Variants in MGAT4C observed in about 807,000 individuals in gnomAD.
MGAT4C encodes the protein alpha-1,3-mannosyl-glycoprotein 4-beta-N-acetylglucosaminyltransferase C.
A neutral mutation model predicts 40.1 loss-of-function variants in MGAT4C; 19 were observed. The ratio of observed to expected loss-of-function variants is 0.47; its 90% CI spans 0.33 to 0.70. The LOEUF is 0.70. MGAT4C is among the 30% of genes least tolerant of loss of function. The pLI is 0.02. For synonymous variants in MGAT4C, 181 were observed against 187.1 expected (o/e 0.97, Z 0.27); for missense variants, 491 against 563.2 (o/e 0.87, Z 1.30).
intron 3 of MGAT4C, among the ~76,000 whole-genome samples, chr12:85,984,299 C>A (rs1884971106): frequency 6.6e-6 from 1 of 152,018 alleles, no homozygotes; most frequent in South Asian, 2.1e-4. Context: ...CTAAAGTAAC[C>A]TCAAATAGGA....
intron 2 of MGAT4C, among the ~76,000 whole-genome samples, chr12:86,509,689 A>G (rs1288158658): frequency 6.6e-6 from 1 of 152,210 alleles, no homozygotes. Flanking sequence ...CTTCCTACCC[A>G]TGAGCATGAA....
At chr12:86,620,153 G>C (rs546171914) in intron 2 of MGAT4C, among the ~76,000 whole-genome samples, 10 of 152,186 alleles carry the variant, frequency 6.6e-5, no homozygotes, top group African/African-American at 2.4e-4. Flanking sequence ...ACAGTATGGA[G>C]ATTTCTCAAA....
At chr12:86,720,904 A>G (rs747137544) in intron 2 of MGAT4C, among the ~76,000 whole-genome samples, 8 of 152,200 alleles carry the variant, frequency 5.3e-5, no homozygotes, top group Non-Finnish European at 8.8e-5. Context: ...ATAATAAACC[A>G]TAATATTTAA....
At chr12:86,324,126 T>A (rs888616593) in intron 4 of MGAT4C, among the ~76,000 whole-genome samples, 5 of 151,994 alleles carry the variant, frequency 3.3e-5, no homozygotes, top group Admixed American at 3.3e-4. Flanking sequence ...AATTCATTTA[T>A]CTTCACTAGT....
chr12:86,300,275 C>T (rs1024051224), intron 4 of MGAT4C, among the ~76,000 whole-genome samples: 20 of 152,158 alleles, frequency 1.3e-4, no homozygotes, highest in Non-Finnish European at 2.5e-4. Flanking sequence ...TCATGGAATA[C>T]ATACATACTT....
intron 3 of MGAT4C, among the ~76,000 whole-genome samples, chr12:86,346,039 A>T (rs192844466): frequency 5.3e-4 from 80 of 152,324 alleles, no homozygotes; most frequent in Non-Finnish European, 4.1e-4. Flanking sequence ...TCTTACAGAA[A>T]TAGCAAAAAG....
intron 2 of MGAT4C, among the ~76,000 whole-genome samples, chr12:86,469,410 C>T (rs533517179): frequency 6.6e-6 from 1 of 152,262 alleles, no homozygotes; most frequent in African/African-American, 2.4e-5. Context: ...CCAGCACTCT[C>T]TCTTGTCTGA....
chr12:86,187,999 T>C (rs1230987966), intron 1 of MGAT4C, among the ~76,000 whole-genome samples: 1 of 152,080 alleles, frequency 6.6e-6, no homozygotes, highest in Non-Finnish European at 1.5e-5. Context: ...GTACTGAGAC[T>C]GAGGATGAGA....
At chr12:86,420,021 A>T (rs896429291) in intron 3 of MGAT4C, among the ~76,000 whole-genome samples, 5 of 151,690 alleles carry the variant, frequency 3.3e-5, no homozygotes, top group East Asian at 1.9e-4. Context: ...TTTTTTTTTT[A>T]AAAGTTAACC....
intron 2 of MGAT4C, among the ~76,000 whole-genome samples, chr12:86,604,468 G>A (rs1393379320): frequency 1.3e-5 from 2 of 151,994 alleles, no homozygotes; most frequent in African/African-American, 4.8e-5. Flanking sequence ...AAACCAAAAT[G>A]GCATATTTTA....
At chr12:86,477,622 T>A (rs1957860699) in intron 2 of MGAT4C, among the ~76,000 whole-genome samples, 1 of 152,082 alleles carries the variant, frequency 6.6e-6, no homozygotes, top group South Asian at 2.1e-4. Flanking sequence ...ATACTTTGAG[T>A]TCTAGGGTAC....
At chr12:86,194,654 G>A (rs922883463) in intron 1 of MGAT4C, among the ~76,000 whole-genome samples, 9 of 151,712 alleles carry the variant, frequency 5.9e-5, no homozygotes, top group African/African-American at 1.9e-4. Context: ...AGTAGACATG[G>A]GGTTTCACCA....
chr12:86,734,148 A>G (rs190301235), intron 1 of MGAT4C, among the ~76,000 whole-genome samples: 1 of 152,226 alleles, frequency 6.6e-6, no homozygotes, highest in Admixed American at 6.6e-5. Context: ...TTGCCTTTAT[A>G]AAAGAGAAAA....
At chr12:86,478,307 A>G (rs1957876508) in intron 2 of MGAT4C, among the ~76,000 whole-genome samples, 1 of 152,212 alleles carries the variant, frequency 6.6e-6, no homozygotes. Flanking sequence ...GTGAAGACTG[A>G]AAAGTATTTT....
intron 2 of MGAT4C, among the ~76,000 whole-genome samples, chr12:86,581,187 G>A (rs868493097): frequency 8.6e-5 from 13 of 151,588 alleles, no homozygotes; most frequent in Middle Eastern, 3.4e-3. Flanking sequence ...AGCTGTTGCT[G>A]CAGACAAGTA....
intron 2 of MGAT4C, among the ~76,000 whole-genome samples, chr12:86,439,711 A>C (rs1957195403): frequency 6.6e-6 from 1 of 151,904 alleles, no homozygotes; most frequent in African/African-American, 2.4e-5. Context: ...TGAAAAGATG[A>C]ACAAAATTGA....
At chr12:86,150,017 G>A (rs531819162) in intron 1 of MGAT4C, among the ~76,000 whole-genome samples, 6 of 152,264 alleles carry the variant, frequency 3.9e-5, no homozygotes, top group Non-Finnish European at 8.8e-5. Flanking sequence ...CCGGTTTCAT[G>A]GGAGACAATG....
At chr12:86,361,084 T>A (rs574306889) in intron 3 of MGAT4C, among the ~76,000 whole-genome samples, 3 of 152,216 alleles carry the variant, frequency 2.0e-5, no homozygotes, top group African/African-American at 7.2e-5. Context: ...GACTTCAAAC[T>A]ATACTACAAG....
At chr12:86,377,090 C>T (rs1295579309) in intron 3 of MGAT4C, among the ~76,000 whole-genome samples, 20 of 116,530 alleles carry the variant, frequency 1.7e-4, no homozygotes, top group African/African-American at 4.4e-4. Flanking sequence ...CATGGAGTTT[C>T]GCTCTTGTTG....
Sources: allele counts gnomAD v4.1 joint callset (sites outside exome capture counted in the v4.1 genomes callset), GRCh38; gene constraint gnomAD v4.1.1; transcripts MANE v1.5; gene names NCBI Gene and HGNC (gene_info 2026-07-23, HGNC 2026-07-21).